NME8: variants seen among roughly 807,000 people sequenced by gnomAD.
The protein encoded by NME8 is protein NME8.
NME8 carries 72 observed loss-of-function variants against 82.3 expected under a neutral mutation model. The ratio of observed to expected loss-of-function variants is 0.87; its 90% CI spans 0.72 to 1.06. The LOEUF (loss-of-function observed/expected upper bound fraction) is 1.06. Among genes scored for constraint, NME8 ranks in the 50% least tolerant of loss-of-function variants. The probability of loss-of-function intolerance (pLI) is 0.00; values close to 1 mark genes in which losing one functional copy is unlikely to be tolerated. For synonymous variants in NME8, 267 were observed against 228.5 expected, an observed-to-expected ratio of 1.17 and a Z score of -1.52; for missense variants, 712 against 685.4, an observed-to-expected ratio of 1.04 and a Z score of -0.43.
At chr7:37,878,115 T>C (rs1784885453) in intron 12 of NME8, among the ~76,000 whole-genome samples, 1 of 152,206 alleles carries the variant, frequency 6.6e-6, no homozygotes, top group Non-Finnish European at 1.5e-5. Context: ...GTGTATGTCC[T>C]TTATCAGATT....
In NME8 at chr7:37,864,377, C is replaced by T. The variant is rs1279402229; in HGVS notation, c.484C>T (p.Pro162Ser). ...QELYSIAIIK[P>S]DAVISKKVLE... ...ATTATACAGTATTGCTATTATCAAA[C>T]CGGATGCTGTGATTAGTAAAAAAGT... is the stretch of plus-strand genomic sequence containing the variant. The change falls in exon 9 of 18, where the codon CCG becomes TCG. Residue 162 changes from proline (P) to serine (S), a missense_variant. Transcript: ENST00000199447. The T allele has an allele frequency of 2.5e-6, 4 of 1,590,700 alleles. No homozygotes were observed. Among genetic ancestry groups the T allele is most frequent in the African/African-American group, 1.3e-5 (1 of 74,478 alleles).
At chr7:37,886,374 A>G (rs1785040554) in intron 14 of NME8, among the ~76,000 whole-genome samples, 1 of 152,188 alleles carries the variant, frequency 6.6e-6, no homozygotes. Flanking sequence ...CCCCACTATC[A>G]TACTGAAAAT....
chr7:37,885,603 A>C (rs1381592291), intron 14 of NME8, among the ~76,000 whole-genome samples: 1 of 152,198 alleles, frequency 6.6e-6, no homozygotes, highest in Non-Finnish European at 1.5e-5. Flanking sequence ...TCTTTAACTG[A>C]TCATGAGTTT....
At chr7:37,887,285 T>C (rs1010575522) in intron 14 of NME8, among the ~76,000 whole-genome samples, 3 of 152,204 alleles carry the variant, frequency 2.0e-5, no homozygotes, top group Non-Finnish European at 4.4e-5. Context: ...TCCTGTCTAC[T>C]TCTCTTTTAT....
At chr7:37,849,860 A>C (rs1413495397) in intron 2 of NME8, among the ~76,000 whole-genome samples, 1 of 105,776 alleles carries the variant, frequency 9.5e-6, no homozygotes, top group Non-Finnish European at 2.0e-5. Flanking sequence ...ACAGAGTGAG[A>C]CTATGTCTCA....
chr7:37,882,585 AAGAAAGAAAGAAAGAG>A (rs769694145), intron 12 of NME8, among the ~76,000 whole-genome samples: 4 of 55,042 alleles, frequency 7.3e-5, no homozygotes, highest in Admixed American at 2.0e-4. Context: ...GAAAGAAAGA[AAGAAAGAAAGAAAGAG>A]AGAGAGAGAG....
At chr7:37,887,553 A>G (rs1268635659) in intron 14 of NME8, among the ~76,000 whole-genome samples, 1 of 152,194 alleles carries the variant, frequency 6.6e-6, no homozygotes, top group Non-Finnish European at 1.5e-5. Flanking sequence ...GAGACAACTA[A>G]AGCACAAAGA....
At position 37,900,259 on chromosome 7, in the gene NME8, A is replaced by G. The variant is rs1231515835; in HGVS notation, c.*31A>G. 6.6e-6 allele frequency: 1 copy of G among 152,230 alleles called. No individual in the cohort carries two copies. The highest frequency in any genetic ancestry group is 2.4e-5 in the African/African-American group (1 of 41,454). The allele number at this position is 152,230 out of a possible 1,614,324, so 9.4% of individuals were successfully genotyped here. A position where few individuals can be genotyped will look rare whatever the true frequency, so the allele number is the denominator to read the frequency against. ...CTTTTCCTAGAACTTTGAGAAGATAATACATATGTTCACGTCAATATACAA... is the reference window on the plus strand; with the variant it reads ...CTTTTCCTAGAACTTTGAGAAGATAGTACATATGTTCACGTCAATATACAA... On this transcript the variant is annotated 3_prime_UTR_variant, in exon 18 of 18. Transcript: ENST00000199447.
intron 6 of NME8, among the ~76,000 whole-genome samples, chr7:37,858,384 A>T (rs1784544068): frequency 6.6e-6 from 1 of 152,232 alleles, no homozygotes; most frequent in Non-Finnish European, 1.5e-5. Context: ...TTGAATGGTA[A>T]AAAATGCATT....
intron 5 of NME8, among the ~76,000 whole-genome samples, chr7:37,853,956 A>T (rs543517537): frequency 6.6e-6 from 1 of 150,404 alleles, no homozygotes; most frequent in South Asian, 2.1e-4. Context: ...AATCCTTAAT[A>T]ATTTATGTAT....
intron 12 of NME8, among the ~76,000 whole-genome samples, chr7:37,883,864 T>G (rs1785000726): frequency 6.6e-6 from 1 of 152,206 alleles, no homozygotes; most frequent in Non-Finnish European, 1.5e-5. Context: ...TCACCTTGTT[T>G]ATCCCCAAAT....
chr7:37,887,737 C>T (rs188189911), intron 14 of NME8, among the ~76,000 whole-genome samples: 39 of 152,234 alleles, frequency 2.6e-4, no homozygotes, highest in East Asian at 1.4e-3. Context: ...CTCACAGTTC[C>T]GCATGGCTGG....
At chr7:37,861,457 C>T (rs1440312387) in intron 6 of NME8, among the ~76,000 whole-genome samples, 1 of 152,180 alleles carries the variant, frequency 6.6e-6, no homozygotes, top group East Asian at 1.9e-4. Flanking sequence ...AAAACCCATT[C>T]TTATAGGAGC....
intron 6 of NME8, among the ~76,000 whole-genome samples, chr7:37,859,713 T>C (rs1216946877): frequency 6.6e-6 from 1 of 152,192 alleles, no homozygotes; most frequent in Non-Finnish European, 1.5e-5. Flanking sequence ...AAAGTCTTAC[T>C]CTCAATCCTG....
At chr7:37,857,217 T>A in intron 5 of NME8, 57 bp from the exon 6 acceptor site, 2 of 1,290,062 alleles carry the variant, frequency 1.6e-6, no homozygotes, top group Non-Finnish European at 2.2e-6. Context: ...ACATAGTGTA[T>A]CAAATTACTT....
chr7:37,877,080 T>C, intron 12 of NME8, 73 bp downstream of exon 12: 1 of 1,232,760 alleles, frequency 8.1e-7, no homozygotes, highest in Non-Finnish European at 1.2e-6. Context: ...TATAATTGCA[T>C]TTAAAGACAT....
At chr7:37,898,737 T>A (rs897532173) in intron 17 of NME8, among the ~76,000 whole-genome samples, 3 of 152,188 alleles carry the variant, frequency 2.0e-5, no homozygotes, top group Non-Finnish European at 4.4e-5. Flanking sequence ...TATTCCTTAA[T>A]GGGTGCAGAG....
chr7:37,872,597 T>C (rs538361566), intron 11 of NME8, among the ~76,000 whole-genome samples: 1 of 152,184 alleles, frequency 6.6e-6, no homozygotes, highest in Non-Finnish European at 1.5e-5. Context: ...AGTGGAGAAT[T>C]GGTATGATCA....
chr7:37,859,769 C>T (rs1197308851), intron 6 of NME8, among the ~76,000 whole-genome samples: 2 of 152,148 alleles, frequency 1.3e-5, no homozygotes, highest in Non-Finnish European at 2.9e-5. Flanking sequence ...ACTGACAACC[C>T]GCCCAATATC....
Sources: gnomAD v4.1 joint callset for allele counts (sites outside exome capture counted in the v4.1 genomes callset) on GRCh38, gnomAD v4.1.1 for gene constraint, MANE v1.5 for transcripts, NCBI Gene and HGNC (gene_info 2026-07-23, HGNC 2026-07-21) for gene names.